The following ERBIN variants were observed in gnomAD, a reference collection of about 807,000 sequenced individuals.
ERBIN encodes the protein erbb2 interacting protein.
ERBIN carries 60 observed loss-of-function variants against 158.4 expected under a neutral mutation model. The ratio of observed to expected loss-of-function variants is 0.38; its 90% CI spans 0.31 to 0.47. The LOEUF (loss-of-function observed/expected upper bound fraction) is 0.47, where lower values mean the gene tolerates loss of function less well. Among genes scored for constraint, ERBIN ranks in the 20% least tolerant of loss-of-function variants. The pLI, the probability that ERBIN is intolerant of heterozygous loss-of-function variation, is 0.99. For synonymous variants in ERBIN, 594 were observed against 557.2 expected, an observed-to-expected ratio of 1.07 and a Z score of -0.93; for missense variants, 1,610 against 1,648.0, an observed-to-expected ratio of 0.98 and a Z score of 0.40.
intron 1 of ERBIN, among the ~76,000 whole-genome samples, chr5:65,973,099 T>A (rs1232928908): frequency 2.6e-5 from 4 of 151,134 alleles, no homozygotes; most frequent in Non-Finnish European, 5.9e-5. Flanking sequence ...GATGAATTCA[T>A]GTCCTTTCTA....
At chr5:65,981,060 T>A (rs1750604991) in intron 1 of ERBIN, among the ~76,000 whole-genome samples, 1 of 152,200 alleles carries the variant, frequency 6.6e-6, no homozygotes. Context: ...TCTCAACATA[T>A]TTCAAAGGCT....
intron 23 of ERBIN, 103 bp downstream of exon 23, chr5:66,075,333 A>G (rs1374823983): frequency 2.1e-6 from 2 of 940,060 alleles, no homozygotes; most frequent in East Asian, 2.6e-5. Context: ...TAACGTAGTT[A>G]TTACCATTTA....
intron 5 of ERBIN, among the ~76,000 whole-genome samples, chr5:66,012,941 A>AAATTG (rs1380813049): frequency 1.3e-5 from 2 of 152,214 alleles, no homozygotes; most frequent in Non-Finnish European, 2.9e-5. Context: ...CCAAATATTG[A>AAATTG]AATTGAAAGT....
chr5:66,053,649 A>G lies in ERBIN; in HGVS notation c.2331A>G (p.Gln777=), dbSNP rs532242922. Reference sequence around the variant, plus strand: ...AACTTATAACTAATGATACATTTCAACCAGAGATCATGGAAAGATCAAAAA... The same window carrying G: ...AACTTATAACTAATGATACATTTCAGCCAGAGATCATGGAAAGATCAAAAA... ...LNKLITNDTF[Q]PEIMERSKTQ... is the part of the protein sequence containing the mutation. The change falls in exon 21 of 26, where the codon CAA becomes CAG. Residue 777 remains glutamine, a synonymous_variant. Coordinates refer to ENST00000284037, the MANE Select transcript of ERBIN (RefSeq NM_001253697.2). The G allele has an allele frequency of 5.6e-6, 9 of 1,613,440 alleles. No individual in the cohort carries two copies. In the African/African-American group the frequency reaches 6.7e-5, roughly 12 times the overall value.
At chr5:65,944,089 A>G (rs947776310) in intron 1 of ERBIN, among the ~76,000 whole-genome samples, 2 of 152,142 alleles carry the variant, frequency 1.3e-5, no homozygotes, top group Non-Finnish European at 2.9e-5. Context: ...GCCATTGTGG[A>G]TAATGCTGTA....
At chr5:66,057,636 G>A (rs1212780996) in intron 21 of ERBIN, among the ~76,000 whole-genome samples, 7 of 151,432 alleles carry the variant, frequency 4.6e-5, no homozygotes, top group Non-Finnish European at 4.4e-5. Context: ...GTGCCATGTT[G>A]GTGTGCTGCA....
At chr5:66,016,006 A>C (rs1327679888) in intron 7 of ERBIN, among the ~76,000 whole-genome samples, 1 of 152,178 alleles carries the variant, frequency 6.6e-6, no homozygotes, top group Non-Finnish European at 1.5e-5. Context: ...TTCTTCCCTG[A>C]CCAGCATATA....
chr5:66,074,764 G>A (rs535980820), intron 22 of ERBIN, among the ~76,000 whole-genome samples: 1 of 152,260 alleles, frequency 6.6e-6, no homozygotes, highest in East Asian at 1.9e-4. Context: ...AATTTAAAAT[G>A]TAGATATGAT....
rs578183909 is a variant in ERBIN at position 66,082,522 on chromosome 5, C to T, written c.*3992C>T. 3.9e-5 allele frequency: 6 copies of T among 152,250 alleles called. No individual in the cohort carries two copies. The East Asian group carries it at 1.2e-3, about 29-fold the overall frequency. The allele number at this position is 152,250 out of a possible 1,614,324, so 9.4% of individuals were successfully genotyped here. On this transcript the variant is annotated 3_prime_UTR_variant, in exon 26 of 26. Transcript: ENST00000284037. The stretch of plus-strand genomic sequence containing the variant: ...ATTATGCTTTTCCCCTCAAGGGATT[C>T]AATAAAGCTTATTTTTCATGAAAAC...
rs184132485 is a variant in ERBIN, at chr5:66,056,936, G to A, written c.3633+1985G>A. Among the ~76,000 whole-genome samples the A allele has an allele frequency of 5.8e-3, 881 of 152,084 alleles. 4 individuals are homozygous for A. The highest frequency in any genetic ancestry group is 0.02 in the Middle Eastern group (6 of 294). Reference sequence around the variant, plus strand: ...CCATAACTCTACTGCATTCCTTTTAGGATATTTTATTCTCCATGTCTTTCT... The same window carrying A: ...CCATAACTCTACTGCATTCCTTTTAAGATATTTTATTCTCCATGTCTTTCT... On this transcript the variant is annotated intron_variant, in intron 21 of 25. Transcript: ENST00000284037.
chr5:66,075,315 C>G, intron 23 of ERBIN, 85 bp downstream of exon 23: 1 of 1,105,722 alleles, frequency 9.0e-7, no homozygotes, highest in Non-Finnish European at 1.3e-6. Flanking sequence ...TAAATCCATA[C>G]AGAATATTAA....
intron 4 of ERBIN, among the ~76,000 whole-genome samples, chr5:66,003,273 C>T (rs1753193928): frequency 6.6e-6 from 1 of 152,058 alleles, no homozygotes; most frequent in African/African-American, 2.4e-5. Flanking sequence ...CAGGGACTCA[C>T]CTGCAGTTAA....
chr5:65,994,883 A>G lies in ERBIN; in HGVS notation c.307+19A>G, dbSNP rs767979905. On this transcript the variant is annotated intron_variant, in intron 4 of 25. Coordinates refer to ENST00000284037, the MANE Select transcript of ERBIN (RefSeq NM_001253697.2). ...AAGAATGGTAAGGCTTTTTTTGCCC[A>G]TAATTTTTTGTACTTGGGAACATGT... 9.4e-6 allele frequency: 14 copies of G among 1,491,488 alleles called. No homozygotes were observed. In the Admixed American group the frequency reaches 1.3e-4, roughly 14 times the overall value. The allele number at this position is 1,491,488 out of a possible 1,614,324, so 92.4% of individuals were successfully genotyped here. A position where few individuals can be genotyped will look rare whatever the true frequency, so the allele number is the denominator to read the frequency against.
intron 17 of ERBIN, among the ~76,000 whole-genome samples, chr5:66,045,205 C>T (rs1440767373): frequency 2.0e-5 from 3 of 151,828 alleles, no homozygotes; most frequent in East Asian, 1.9e-4. Context: ...GGTGACAGAG[C>T]GAGACCCTGT....
At chr5:65,958,585 C>A (rs912102557) in intron 1 of ERBIN, among the ~76,000 whole-genome samples, 1 of 141,564 alleles carries the variant, frequency 7.1e-6, no homozygotes, top group South Asian at 2.3e-4. Flanking sequence ...AGTCCAGCTT[C>A]GGCTGGGCAT....
rs1298363885 is a variant in ERBIN, at chr5:66,075,155, G to C, written c.3888G>C (p.Leu1296=). ...AACAACTAATTGATTACTTGATGCTGAAAGTGGCCCACCAGCCTCCATATA... is the reference window on the plus strand; with the variant it reads ...AACAACTAATTGATTACTTGATGCTCAAAGTGGCCCACCAGCCTCCATATA... ...SREQLIDYLM[L]KVAHQPPYTQ... Residue 1296 remains leucine, a synonymous_variant, in exon 23 of 26, where the codon CTG becomes CTC. Coordinates refer to ENST00000284037, the MANE Select transcript of ERBIN (RefSeq NM_001253697.2). 6.2e-7 allele frequency: 1 copy of C among 1,614,104 alleles called. No individual in the cohort carries two copies. Among genetic ancestry groups the C allele is most frequent in the East Asian group, 2.2e-5 (1 of 44,870 alleles).
intron 1 of ERBIN, among the ~76,000 whole-genome samples, chr5:65,967,787 C>T (rs1748826555): frequency 6.6e-6 from 1 of 152,210 alleles, no homozygotes; most frequent in Non-Finnish European, 1.5e-5. Flanking sequence ...GAAGAGTCAT[C>T]AGTATTACCT....
chr5:66,046,439 A>G lies in ERBIN; in HGVS notation c.1689A>G (p.Glu563=). 1 of 1,612,602 alleles carries G rather than the reference A, an allele frequency of 6.2e-7. No homozygotes were observed. Among genetic ancestry groups the G allele is most frequent in the Non-Finnish European group, 8.5e-7 (1 of 1,178,988 alleles). ...GAAACTCTGTACAGAAGATCAGTGA[A>G]CCTGAAGCTGAGATTAGTCCTGGGA... ...MIGNSVQKIS[E]PEAEISPGSL... is the part of the protein sequence containing the mutation. The change falls in exon 18 of 26, where the codon GAA becomes GAG. Residue 563 remains glutamate (E), a synonymous_variant. Transcript: ENST00000284037.
chr5:66,036,664 A>C (rs902254721), intron 14 of ERBIN, among the ~76,000 whole-genome samples: 2 of 152,202 alleles, frequency 1.3e-5, no homozygotes, highest in African/African-American at 4.8e-5. Flanking sequence ...CAGTAAAGTC[A>C]GTAAAGATAC....
Sources: allele counts gnomAD v4.1 joint callset (sites outside exome capture counted in the v4.1 genomes callset), GRCh38; gene constraint gnomAD v4.1.1; transcripts MANE v1.5; gene names NCBI Gene and HGNC (gene_info 2026-07-23, HGNC 2026-07-21).